ACTN2: variants seen among roughly 807,000 people sequenced by gnomAD.
ACTN2 encodes the protein alpha-actinin-2.
Under a neutral mutation model 113.8 loss-of-function variants are expected in ACTN2, and 39 were observed. That is an observed-to-expected ratio of 0.34 (90% CI 0.27 to 0.45). The LOEUF is 0.45. ACTN2 is among the 20% of genes least tolerant of loss of function. The pLI is 1.00. For missense variants in ACTN2, 992 were observed against 1,177.9 expected (o/e 0.84, Z 2.31); for synonymous variants, 429 against 444.1 (o/e 0.97, Z 0.43).
At position 236,751,612 on chromosome 1, in the gene ACTN2, G is replaced by A. The variant is rs794728968; in HGVS notation, c.1799G>A (p.Ser600Asn). The change falls in exon 15 of 21, where the codon AGC becomes AAC. Residue 600 changes from serine to asparagine, a missense_variant. Ser to Asn is a conservative substitution (Grantham distance 46). Around this residue, in one of 3 missense-constraint regions of ACTN2, gnomAD observed 736 missense variants for 815.4 expected, o/e 0.90. Coordinates refer to ENST00000366578, the MANE Select transcript of ACTN2 (RefSeq NM_001103.4). ...NIRISSSNPY[S>N]TVTMDELRTK... ...AGAATCAGCTCAAGCAACCCGTACA[G>A]CACTGTCACCATGGATGAGCTCCGG... 3.1e-6 allele frequency: 5 copies of A among 1,613,906 alleles called. No individual in the cohort carries two copies. Among genetic ancestry groups the A allele is most frequent in the East Asian group, 4.5e-5 (2 of 44,888 alleles).
At chr1:236,753,799 C>T (rs1382559582) in intron 15 of ACTN2, 148 bp from the exon 16 acceptor site, 2 of 980,824 alleles carry the variant, frequency 2.0e-6, no homozygotes, top group African/African-American at 3.2e-5. Flanking sequence ...TCCTCCCTAT[C>T]CTCCCTCTTC....
chr1:236,747,906 A>G (rs1659285616), intron 13 of ACTN2, 131 bp downstream of exon 13: 1 of 733,300 alleles, frequency 1.4e-6, no homozygotes, highest in Non-Finnish European at 2.4e-6. Context: ...TCTAAAGAAA[A>G]CATGAAAAGT....
intron 1 of ACTN2, among the ~76,000 whole-genome samples, chr1:236,709,001 T>A (rs1657917077): frequency 6.6e-6 from 1 of 151,782 alleles, no homozygotes; most frequent in Non-Finnish European, 1.5e-5. Flanking sequence ...AAATTGGGAA[T>A]TTGTGAAGTG....
At chr1:236,731,614 AC>A (rs1213518331) in intron 7 of ACTN2, among the ~76,000 whole-genome samples, 3 of 152,238 alleles carry the variant, frequency 2.0e-5, no homozygotes, top group Non-Finnish European at 4.4e-5. Context: ...TTTTAAAAAA[AC>A]ATTTCCTGTA....
intron 1 of ACTN2, among the ~76,000 whole-genome samples, chr1:236,690,809 T>C (rs1773439): frequency 0.98 from 149,106 of 152,228 alleles, 73,094 homozygotes; most frequent in East Asian, 1. Flanking sequence ...AATTCAGTGG[T>C]GGTACGTCTA....
In ACTN2 at chr1:236,697,155, T is replaced by C. The variant is rs577061815; in HGVS notation, c.126+10356T>C. Among the ~76,000 whole-genome samples the C allele has an allele frequency of 1.7e-3, 263 of 152,306 alleles. 1 individual carries two copies. The highest frequency in any genetic ancestry group is 5.8e-3 in the African/African-American group (242 of 41,588). ...CAGGTACAGCAACCTGGTGAAACCC[T>C]ATCTCTACAAAAATACATAAGTCAG... is the stretch of plus-strand genomic sequence containing the variant. On this transcript the variant is annotated intron_variant, in intron 1 of 20. Coordinates refer to ENST00000366578, the MANE Select transcript of ACTN2 (RefSeq NM_001103.4).
intron 7 of ACTN2, chr1:236,734,490 A>T: frequency 6.5e-7 from 1 of 1,535,642 alleles, no homozygotes; most frequent in Non-Finnish European, 8.7e-7. Flanking sequence ...GTTTCCTGTT[A>T]CTATCATGCT....
At chr1:236,715,624 G>A (rs1395020321) in intron 1 of ACTN2, among the ~76,000 whole-genome samples, 1 of 151,908 alleles carries the variant, frequency 6.6e-6, no homozygotes, top group Non-Finnish European at 1.5e-5. Context: ...GCTACTTCTG[G>A]CTAGGAGCTA....
At chr1:236,758,341 A>G (rs556703493) in intron 18 of ACTN2, among the ~76,000 whole-genome samples, 3 of 149,000 alleles carry the variant, frequency 2.0e-5, no homozygotes, top group African/African-American at 5.0e-5. Flanking sequence ...GCTGGAGTGC[A>G]GTGGCATGAT....
chr1:236,735,760 C>T, intron 8 of ACTN2, 40 bp downstream of exon 8: 2 of 1,572,224 alleles, frequency 1.3e-6, no homozygotes. Flanking sequence ...GTGTTACTCT[C>T]TGTTGGTTTT....
At position 236,707,431 on chromosome 1, in the gene ACTN2, C is replaced by T. The variant is rs116896028; in HGVS notation, c.127-10427C>T. 8.3e-4 allele frequency among the ~76,000 whole-genome samples: 127 copies of T among 152,266 alleles called. No homozygotes were observed. In the East Asian group the frequency reaches 0.014, roughly 16 times the overall value. On this transcript the variant is annotated intron_variant, in intron 1 of 20. Transcript: ENST00000366578. ...CTCCTATGCTCAAGTAGGCTTAAATCGTGACTATAGGCTGTCTTTATTTTT... is the reference window on the plus strand; with the variant it reads ...CTCCTATGCTCAAGTAGGCTTAAATTGTGACTATAGGCTGTCTTTATTTTT...
intron 6 of ACTN2, among the ~76,000 whole-genome samples, chr1:236,729,756 A>G: frequency 6.6e-6 from 1 of 152,204 alleles, no homozygotes; most frequent in East Asian, 1.9e-4. Context: ...TTCCAAGCAT[A>G]TAGACAGGGT....
At position 236,697,626 on chromosome 1, in the gene ACTN2, A is replaced by C. The variant is rs896773054; in HGVS notation, c.126+10827A>C. Among the ~76,000 whole-genome samples the C allele has an allele frequency of 2.0e-5, 3 of 152,196 alleles. No homozygotes were observed. In the South Asian group the frequency reaches 6.2e-4, roughly 31 times the overall value. ...ATGTCTTTGATTTTCTTTCTGGAGA[A>C]ATCTCACCTTGGTATTCTATTGGAA... On this transcript the variant is annotated intron_variant, in intron 1 of 20. Coordinates refer to ENST00000366578, the MANE Select transcript of ACTN2 (RefSeq NM_001103.4).
At chr1:236,734,444 A>G in intron 7 of ACTN2, 1 of 1,535,352 alleles carries the variant, frequency 6.5e-7, no homozygotes, top group Non-Finnish European at 8.7e-7. Context: ...TTTAGTATAC[A>G]CTGCCAGACC....
rs946153864 is a variant in ACTN2 at position 236,727,901 on chromosome 1, G to A, written c.615+145G>A. On this transcript the variant is annotated intron_variant, in intron 6 of 20. Transcript: ENST00000366578. ...AGGAAAAAGCACATTCTCCCAGCTA[G>A]CCTTTCCCATGATCCAAGTATGAAG... The A allele has an allele frequency of 6.5e-6, 5 of 764,480 alleles. No individual in the cohort carries two copies. In the African/African-American group the frequency reaches 8.6e-5, roughly 13 times the overall value. 47.4% of individuals were successfully genotyped at this position (764,480 alleles called of 1,614,324 possible). A position where few individuals can be genotyped will look rare whatever the true frequency, so the allele number is the denominator to read the frequency against.
rs201576900 is a variant in ACTN2 at position 236,757,482 on chromosome 1, A to G, written c.2155-4A>G. ...AACTGATCTTTCCCCTTTTCCCTCA[A>G]TAGCACATTCGTGTTGGATGGGAGC... On this transcript the variant is annotated splice_region_variant and splice_polypyrimidine_tract_variant and intron_variant, in intron 17 of 20. Coordinates refer to ENST00000366578, the MANE Select transcript of ACTN2 (RefSeq NM_001103.4). The G allele has an allele frequency of 6.2e-7, 1 of 1,614,144 alleles. No individual in the cohort carries two copies. The highest frequency in any genetic ancestry group is 8.5e-7 in the Non-Finnish European group (1 of 1,179,992).
chr1:236,715,988 T>C (rs954905965), intron 1 of ACTN2, among the ~76,000 whole-genome samples: 1 of 151,966 alleles, frequency 6.6e-6, no homozygotes, highest in Non-Finnish European at 1.5e-5. Context: ...ATAAAGTGGA[T>C]GGCTTAGAGT....
intron 7 of ACTN2, 108 bp from the exon 8 acceptor site, chr1:236,735,527 T>C: frequency 9.9e-7 from 1 of 1,008,440 alleles, no homozygotes; most frequent in Admixed American, 1.8e-5. Context: ...ATCTGGTCAG[T>C]GTAAACCAAT....
chr1:236,761,278 T>G, intron 20 of ACTN2, 105 bp downstream of exon 20: 1 of 1,363,770 alleles, frequency 7.3e-7, no homozygotes. Flanking sequence ...TGCCGGTGTA[T>G]TTTGTACAAC....
Sources: gnomAD v4.1 joint callset for allele counts (sites outside exome capture counted in the v4.1 genomes callset) on GRCh38, gnomAD v4.1.1 for gene constraint, gnomAD v4.1.1 regional missense constraint, MANE v1.5 for transcripts, NCBI Gene and HGNC (gene_info 2026-07-23, HGNC 2026-07-21) for gene names.